Variants in SPMIP3 observed in about 807,000 individuals in gnomAD.
SPMIP3 encodes protein SPMIP3.
At chr1:244,374,855 C>G in the SPMIP3 span, among the ~76,000 whole-genome samples, 1 of 152,074 alleles carries the variant, frequency 6.6e-6, no homozygotes, top group Admixed American at 6.6e-5. Context: ...ACCTTGGCCT[C>G]CCAAGGTGCT....
chr1:244,366,998 T>C, the SPMIP3 span, among the ~76,000 whole-genome samples: 1 of 152,166 alleles, frequency 6.6e-6, no homozygotes, highest in African/African-American at 2.4e-5. Context: ...GGAGAATACC[T>C]TCTCTAGCCA....
At chr1:244,366,052 G>A in the SPMIP3 span, among the ~76,000 whole-genome samples, 2 of 152,110 alleles carry the variant, frequency 1.3e-5, no homozygotes, top group African/African-American at 4.8e-5. Flanking sequence ...CACCTCGACG[G>A]GTCTGCAGCA....
chr1:244,354,620 CAAA>C, the SPMIP3 span, among the ~76,000 whole-genome samples: 263 of 152,298 alleles, frequency 1.7e-3, no homozygotes, highest in African/African-American at 6.2e-3. Flanking sequence ...CTTGGCCTTC[CAAA>C]GTGCTGGGAT....
the SPMIP3 span, among the ~76,000 whole-genome samples, chr1:244,360,518 A>ACACACT: frequency 6.7e-3 from 344 of 51,072 alleles, 7 homozygotes; most frequent in Non-Finnish European, 8.1e-3. Flanking sequence ...ATACACACAC[A>ACACACT]CACACACACA....
chr1:244,356,893 C>A, the SPMIP3 span, among the ~76,000 whole-genome samples: 1 of 150,886 alleles, frequency 6.6e-6, no homozygotes, highest in Non-Finnish European at 1.5e-5. Context: ...GACAACCCTT[C>A]CCTTTCTTCT....
the SPMIP3 span, among the ~76,000 whole-genome samples, chr1:244,368,873 C>G: frequency 6.6e-6 from 1 of 152,264 alleles, no homozygotes; most frequent in Non-Finnish European, 1.5e-5. Flanking sequence ...TATTCATCAT[C>G]ATATTGGCCG....
the SPMIP3 span, among the ~76,000 whole-genome samples, chr1:244,386,024 A>G: frequency 1.3e-5 from 2 of 151,694 alleles, no homozygotes; most frequent in Admixed American, 1.3e-4. Context: ...ACACACACAC[A>G]CACACACACA....
At chr1:244,389,561 C>G in the SPMIP3 span, 1 of 152,370 alleles carries the variant, frequency 6.6e-6, no homozygotes, top group East Asian at 1.9e-4. Context: ...GTTAGCACCC[C>G]TATCTTGGCA....
At chr1:244,368,356 G>A in the SPMIP3 span, among the ~76,000 whole-genome samples, 2 of 152,186 alleles carry the variant, frequency 1.3e-5, no homozygotes, top group African/African-American at 4.8e-5. Context: ...CACTGTTCTA[G>A]GTGCATCTGA....
At chr1:244,378,851 AG>A in the SPMIP3 span, among the ~76,000 whole-genome samples, 28 of 140,156 alleles carry the variant, frequency 2.0e-4, no homozygotes, top group Admixed American at 2.8e-4. Context: ...AGGAGACTTC[AG>A]GGAGGATGGA....
At chr1:244,378,204 G>A in the SPMIP3 span, among the ~76,000 whole-genome samples, 8 of 152,130 alleles carry the variant, frequency 5.3e-5, no homozygotes, top group Non-Finnish European at 8.8e-5. Flanking sequence ...GTGCACGGGT[G>A]GATCTAGTGG....
chr1:244,370,906 A>G, the SPMIP3 span, among the ~76,000 whole-genome samples: 1 of 152,126 alleles, frequency 6.6e-6, no homozygotes, highest in African/African-American at 2.4e-5. Flanking sequence ...AGAGTTAATC[A>G]TGTTTACCTT....
At chr1:244,370,771 TA>T in the SPMIP3 span, among the ~76,000 whole-genome samples, 10 of 152,204 alleles carry the variant, frequency 6.6e-5, no homozygotes, top group Admixed American at 3.9e-4. Flanking sequence ...GGTGGCAGAA[TA>T]GCGACATGGA....
chr1:244,380,302 T>C, the SPMIP3 span, among the ~76,000 whole-genome samples: 2 of 152,010 alleles, frequency 1.3e-5, no homozygotes, highest in Admixed American at 1.3e-4. Flanking sequence ...GTATTTTTAG[T>C]ATAGACGGAG....
At chr1:244,359,809 A>G in the SPMIP3 span, among the ~76,000 whole-genome samples, 1 of 152,022 alleles carries the variant, frequency 6.6e-6, no homozygotes, top group South Asian at 2.1e-4. Flanking sequence ...TAACAGGTGT[A>G]TAAAAAAAAA....
chr1:244,353,823 G>A, the SPMIP3 span, among the ~76,000 whole-genome samples: 1 of 152,076 alleles, frequency 6.6e-6, no homozygotes, highest in Non-Finnish European at 1.5e-5. Context: ...AAGCAACAGG[G>A]GACTATCAAA....
the SPMIP3 span, among the ~76,000 whole-genome samples, chr1:244,386,293 A>T: frequency 3.9e-5 from 6 of 152,352 alleles, no homozygotes; most frequent in Non-Finnish European, 7.3e-5. Flanking sequence ...TTATCAACTA[A>T]TTATTCATTT....
the SPMIP3 span, among the ~76,000 whole-genome samples, chr1:244,379,397 G>T: frequency 1.3e-5 from 2 of 151,694 alleles, no homozygotes; most frequent in Non-Finnish European, 2.9e-5. Context: ...TAGAGATGAG[G>T]GTCTTGCTTT....
chr1:244,372,889 C>CT, the SPMIP3 span, among the ~76,000 whole-genome samples: 1 of 152,192 alleles, frequency 6.6e-6, no homozygotes, highest in Non-Finnish European at 1.5e-5. Flanking sequence ...AGGCAGGATT[C>CT]TTTCCAATGC....
Sources: allele counts gnomAD v4.1 joint callset (sites outside exome capture counted in the v4.1 genomes callset), GRCh38; gene constraint gnomAD v4.1.1; transcripts MANE v1.5; gene names NCBI Gene and HGNC (gene_info 2026-07-23, HGNC 2026-07-21).